LHFPL6: variants seen among roughly 807,000 people sequenced by gnomAD.
LHFPL6 encodes the protein LHFPL tetraspan subfamily member 6.
In LHFPL6, 9 loss-of-function variants were observed where a neutral mutation model predicts 20.6. The ratio of observed to expected loss-of-function variants is 0.44; its 90% CI spans 0.26 to 0.76. The LOEUF is 0.76. LHFPL6 is among the 30% of genes least tolerant of loss of function. The pLI, the probability that LHFPL6 is intolerant of heterozygous loss-of-function variation, is 0.20. For missense variants in LHFPL6, 218 were observed against 253.5 expected, an observed-to-expected ratio of 0.86 and a Z score of 0.95; for synonymous variants, 105 against 98.7, an observed-to-expected ratio of 1.06 and a Z score of -0.38.
intron 2 of LHFPL6, among the ~76,000 whole-genome samples, chr13:39,421,525 C>T (rs17805016): frequency 0.14 from 22,052 of 152,176 alleles, 1,770 homozygotes; most frequent in Non-Finnish European, 0.18. Flanking sequence ...TACTGTTCCA[C>T]TTTTTGGTTT....
chr13:39,403,622 A>G (rs1345447572), intron 2 of LHFPL6, among the ~76,000 whole-genome samples: 2 of 152,174 alleles, frequency 1.3e-5, no homozygotes, highest in East Asian at 1.9e-4. Flanking sequence ...TATTATCTCT[A>G]TATCGATCAA....
intron 2 of LHFPL6, among the ~76,000 whole-genome samples, chr13:39,455,651 T>C (rs1203619525): frequency 6.6e-6 from 1 of 152,180 alleles, no homozygotes; most frequent in Non-Finnish European, 1.5e-5. Context: ...TTTATTTCAC[T>C]TGGGAACAAG....
intron 2 of LHFPL6, among the ~76,000 whole-genome samples, chr13:39,525,370 A>G (rs1049701589): frequency 2.6e-5 from 4 of 152,136 alleles, no homozygotes; most frequent in African/African-American, 9.6e-5. Context: ...GTTTATACTG[A>G]AGAGATAATG....
At chr13:39,478,982 T>C (rs1479457846) in intron 2 of LHFPL6, among the ~76,000 whole-genome samples, 2 of 150,932 alleles carry the variant, frequency 1.3e-5, no homozygotes, top group African/African-American at 4.9e-5. Flanking sequence ...TATACATATA[T>C]ATAAAATGAG....
intron 2 of LHFPL6, among the ~76,000 whole-genome samples, chr13:39,552,477 C>T (rs572539065): frequency 9.9e-5 from 15 of 152,218 alleles, no homozygotes; most frequent in African/African-American, 3.4e-4. Flanking sequence ...GGATCAAAGG[C>T]TGTGATGAAA....
chr13:39,496,484 A>G (rs1291603355), intron 2 of LHFPL6, among the ~76,000 whole-genome samples: 1 of 152,180 alleles, frequency 6.6e-6, no homozygotes, highest in Non-Finnish European at 1.5e-5. Context: ...ATAAAATGTG[A>G]TGTAACAAGA....
At chr13:39,456,109 C>T (rs140501945) in intron 2 of LHFPL6, among the ~76,000 whole-genome samples, 22 of 152,298 alleles carry the variant, frequency 1.4e-4, no homozygotes, top group African/African-American at 5.1e-4. Context: ...AAAGCCATTG[C>T]TAACTTATTT....
At chr13:39,355,850 A>G (rs1231004564) in intron 3 of LHFPL6, among the ~76,000 whole-genome samples, 2 of 152,248 alleles carry the variant, frequency 1.3e-5, no homozygotes, top group Admixed American at 1.3e-4. Context: ...TCCTCAGTGT[A>G]TAAACACCCA....
intron 3 of LHFPL6, among the ~76,000 whole-genome samples, chr13:39,357,592 G>C (rs1869759646): frequency 6.6e-6 from 1 of 152,120 alleles, no homozygotes. Flanking sequence ...TCTATACCTA[G>C]AAAACCCTTA....
intron 2 of LHFPL6, among the ~76,000 whole-genome samples, chr13:39,517,231 A>T (rs1047766287): frequency 6.6e-6 from 1 of 152,194 alleles, no homozygotes; most frequent in Non-Finnish European, 1.5e-5. Context: ...CAATTTGCTG[A>T]TTGGAAAGAA....
intron 2 of LHFPL6, among the ~76,000 whole-genome samples, chr13:39,397,064 T>C (rs1187347382): frequency 1.3e-5 from 2 of 152,154 alleles, no homozygotes; most frequent in Non-Finnish European, 2.9e-5. Flanking sequence ...TCCTTCCTTA[T>C]ACCAGCCCTA....
rs1593279467 is a variant in LHFPL6 at position 39,346,694 on chromosome 13, A to G, written c.485-2640T>C. 3.3e-5 allele frequency among the ~76,000 whole-genome samples: 5 copies of G among 152,080 alleles called. No homozygotes were observed. The East Asian group carries it at 9.7e-4, about 29-fold the overall frequency. On this transcript the variant is annotated intron_variant, in intron 3 of 3. Transcript: ENST00000379589. ...TCTCTCTGCTTCTACTCATATCATCACCAACAGCAAAGTAGGCAGCTGTCT... is the reference window on the plus strand; with the variant it reads ...TCTCTCTGCTTCTACTCATATCATCGCCAACAGCAAAGTAGGCAGCTGTCT...
chr13:39,544,082 A>T (rs1478932667), intron 2 of LHFPL6, among the ~76,000 whole-genome samples: 1 of 152,196 alleles, frequency 6.6e-6, no homozygotes, highest in Non-Finnish European at 1.5e-5. Flanking sequence ...TTTAGCTATT[A>T]TCATTGAAGA....
intron 2 of LHFPL6, among the ~76,000 whole-genome samples, chr13:39,478,343 T>C (rs1873135711): frequency 6.6e-6 from 1 of 152,188 alleles, no homozygotes; most frequent in Admixed American, 6.5e-5. Context: ...ACTGGAAATA[T>C]AATAATGAGT....
intron 2 of LHFPL6, among the ~76,000 whole-genome samples, chr13:39,578,200 T>G (rs769617985): frequency 6.6e-6 from 1 of 152,112 alleles, no homozygotes; most frequent in Non-Finnish European, 1.5e-5. Context: ...AGTTGTTATC[T>G]AAAGTAAATG....
At chr13:39,518,519 T>A (rs1379828745) in intron 2 of LHFPL6, among the ~76,000 whole-genome samples, 1 of 152,232 alleles carries the variant, frequency 6.6e-6, no homozygotes, top group Admixed American at 6.5e-5. Context: ...GGTAAATAAT[T>A]CTACTATAAT....
chr13:39,434,284 T>C (rs777637795), intron 2 of LHFPL6, among the ~76,000 whole-genome samples: 4 of 152,186 alleles, frequency 2.6e-5, no homozygotes, highest in Non-Finnish European at 5.9e-5. Context: ...AAATATATTA[T>C]TGACATTTTA....
intron 2 of LHFPL6, among the ~76,000 whole-genome samples, chr13:39,432,346 T>C (rs945740328): frequency 1.3e-5 from 2 of 152,200 alleles, no homozygotes; most frequent in Non-Finnish European, 2.9e-5. Context: ...GACTTTATAA[T>C]GGCTTTCCCC....
intron 3 of LHFPL6, among the ~76,000 whole-genome samples, chr13:39,354,712 A>C (rs1297491395): frequency 2.6e-5 from 4 of 152,168 alleles, no homozygotes; most frequent in African/African-American, 9.7e-5. Context: ...GAAAGAACCA[A>C]ACTGAACTTG....
Sources: gnomAD v4.1 joint callset for allele counts (sites outside exome capture counted in the v4.1 genomes callset) on GRCh38, gnomAD v4.1.1 for gene constraint, MANE v1.5 for transcripts, NCBI Gene and HGNC (gene_info 2026-07-23, HGNC 2026-07-21) for gene names.